Variants in ARHGEF4 observed in about 807,000 individuals in gnomAD.
ARHGEF4 encodes APC-stimulated guanine nucleotide exchange factor 1.
Under a neutral mutation model 162.0 loss-of-function variants are expected in ARHGEF4, and 119 were observed. The ratio of observed to expected loss-of-function variants is 0.73; its 90% CI spans 0.63 to 0.86. The LOEUF (loss-of-function observed/expected upper bound fraction) is 0.86, where lower values mean the gene tolerates loss of function less well. ARHGEF4 is among the 40% of genes least tolerant of loss of function. The pLI, the probability that ARHGEF4 is intolerant of heterozygous loss-of-function variation, is 0.00. For missense variants in ARHGEF4, 2,488 were observed against 2,456.0 expected (o/e 1.01, Z -0.28); for synonymous variants, 1,014 against 979.9 (o/e 1.03, Z -0.65).
At chr2:131,015,632 G>A (rs1688726474) in intron 4 of ARHGEF4, among the ~76,000 whole-genome samples, 1 of 152,186 alleles carries the variant, frequency 6.6e-6, no homozygotes, top group African/African-American at 2.4e-5. Context: ...GCTCACGCTT[G>A]GAATCCCAGC....
chr2:131,021,033 G>A (rs1689091786), intron 4 of ARHGEF4, among the ~76,000 whole-genome samples: 2 of 152,226 alleles, frequency 1.3e-5, no homozygotes, highest in Non-Finnish European at 2.9e-5. Flanking sequence ...TTTTGATGGG[G>A]TTGTTTTTTT....
intron 1 of ARHGEF4, among the ~76,000 whole-genome samples, chr2:130,844,655 A>G (rs1005216537): frequency 1.3e-5 from 2 of 151,984 alleles, no homozygotes; most frequent in African/African-American, 4.8e-5. Flanking sequence ...CCACTCTCCC[A>G]TAGAGCTCTG....
At chr2:130,920,842 CTG>C (rs1681830070) in intron 2 of ARHGEF4, among the ~76,000 whole-genome samples, 1 of 152,160 alleles carries the variant, frequency 6.6e-6, no homozygotes, top group South Asian at 2.1e-4. Context: ...TCTTAATTTT[CTG>C]TGACTTTACA....
intron 1 of ARHGEF4, among the ~76,000 whole-genome samples, chr2:130,910,080 A>G (rs923742885): frequency 1.3e-4 from 20 of 152,258 alleles, no homozygotes; most frequent in Admixed American, 1.3e-3. Context: ...GGGGAGGGAT[A>G]GCATTAGGAG....
At chr2:130,897,478 C>CA (rs34272953) in intron 1 of ARHGEF4, among the ~76,000 whole-genome samples, 35,417 of 152,126 alleles carry the variant, frequency 0.23, 6,529 homozygotes, top group African/African-American at 0.5. Context: ...GACTGGCTTC[C>CA]GGGGGTAATG....
At chr2:131,003,546 G>A (rs892507202) in intron 4 of ARHGEF4, among the ~76,000 whole-genome samples, 1 of 152,198 alleles carries the variant, frequency 6.6e-6, no homozygotes, top group African/African-American at 2.4e-5. Context: ...AGTTGCCTGT[G>A]GACAGGTGGG....
At chr2:131,022,777 G>A (rs1689218271) in intron 4 of ARHGEF4, among the ~76,000 whole-genome samples, 1 of 151,700 alleles carries the variant, frequency 6.6e-6, no homozygotes, top group Admixed American at 6.6e-5. Flanking sequence ...AGAGTTCTTA[G>A]ACATGACACC....
At chr2:130,949,264 T>C (rs1352935114) in intron 4 of ARHGEF4, among the ~76,000 whole-genome samples, 2 of 152,244 alleles carry the variant, frequency 1.3e-5, no homozygotes, top group Non-Finnish European at 2.9e-5. Flanking sequence ...ATTTTCTTGT[T>C]ATTTCCAAAT....
chr2:130,959,585 TAATA>T (rs1181770341), intron 4 of ARHGEF4, among the ~76,000 whole-genome samples: 3 of 152,224 alleles, frequency 2.0e-5, no homozygotes, highest in Admixed American at 1.3e-4. Context: ...GGTATATGCT[TAATA>T]AATACCAGCT....
chr2:131,043,386 G>T, intron 10 of ARHGEF4, 66 bp from the exon 11 acceptor site: 1 of 1,599,374 alleles, frequency 6.3e-7, no homozygotes, highest in South Asian at 1.1e-5. Context: ...CACCCATGAT[G>T]GGGGCAGGAA....
chr2:130,848,534 G>A (rs1271981911), intron 1 of ARHGEF4, among the ~76,000 whole-genome samples: 1 of 152,176 alleles, frequency 6.6e-6, no homozygotes, highest in Non-Finnish European at 1.5e-5. Flanking sequence ...ACATGGGTGT[G>A]CAGGCACCTC....
intron 4 of ARHGEF4, among the ~76,000 whole-genome samples, chr2:130,952,714 G>A (rs1684031018): frequency 6.6e-6 from 1 of 152,150 alleles, no homozygotes; most frequent in Non-Finnish European, 1.5e-5. Context: ...CTTCAGCAAA[G>A]TCTCAGGGTA....
intron 1 of ARHGEF4, among the ~76,000 whole-genome samples, chr2:130,890,246 C>T (rs1679782688): frequency 6.6e-6 from 1 of 152,200 alleles, no homozygotes; most frequent in Non-Finnish European, 1.5e-5. Flanking sequence ...TTATATCCTT[C>T]CTGTCTCTTC....
intron 4 of ARHGEF4, among the ~76,000 whole-genome samples, chr2:131,005,315 G>A (rs1024101735): frequency 3.9e-5 from 6 of 152,122 alleles, no homozygotes; most frequent in Non-Finnish European, 5.9e-5. Flanking sequence ...GTAGAAATCG[G>A]GAAGTGCAGC....
chr2:130,902,684 GC>G (rs1680555798), intron 1 of ARHGEF4, among the ~76,000 whole-genome samples: 1 of 149,438 alleles, frequency 6.7e-6, no homozygotes. Flanking sequence ...TAGCACGCAA[GC>G]CCTGCATATG....
In ARHGEF4 at chr2:130,848,307, G is replaced by A. The variant is rs559259936; in HGVS notation, c.39+11315G>A. ...ACCTTGTGCGCTGCCCCAGCATACC[G>A]ACTCGACCCCAAGGCCAGTGTTTTC... On this transcript the variant is annotated intron_variant, in intron 1 of 13. Coordinates refer to ENST00000409359, the MANE Select transcript of ARHGEF4 (RefSeq NM_001367493.1). Among the ~76,000 whole-genome samples the A allele has an allele frequency of 7.2e-5, 11 of 152,320 alleles. No individual in the cohort carries two copies. The East Asian group carries it at 1.2e-3, about 16-fold the overall frequency.
chr2:130,922,212 A>G (rs1465374349), intron 2 of ARHGEF4, among the ~76,000 whole-genome samples: 1 of 151,782 alleles, frequency 6.6e-6, no homozygotes, highest in Non-Finnish European at 1.5e-5. Context: ...TCTACTAAAA[A>G]CCACAAAAAT....
chr2:130,837,690 C>G (rs747171242), intron 1 of ARHGEF4: 1 of 437,584 alleles, frequency 2.3e-6, no homozygotes, highest in Non-Finnish European at 4.6e-6. Context: ...TTGCCAAGCC[C>G]GACCTCCCCA....
At chr2:130,950,811 A>G (rs1332311498) in intron 4 of ARHGEF4, among the ~76,000 whole-genome samples, 1 of 151,908 alleles carries the variant, frequency 6.6e-6, no homozygotes, top group African/African-American at 2.4e-5. Flanking sequence ...CTCACTTATA[A>G]TAATGTTTTC....
Sources: gnomAD v4.1 joint callset for allele counts (sites outside exome capture counted in the v4.1 genomes callset) on GRCh38, gnomAD v4.1.1 for gene constraint, MANE v1.5 for transcripts, NCBI Gene and HGNC (gene_info 2026-07-23, HGNC 2026-07-21) for gene names.